Variants in RGS22 observed in about 807,000 individuals in gnomAD.
The protein encoded by RGS22 is regulator of G protein signaling 22, also known as regulator of G-protein signaling 22.
A neutral mutation model predicts 172.9 loss-of-function variants in RGS22; 148 were observed. The ratio of observed to expected loss-of-function variants is 0.86; its 90% CI spans 0.75 to 0.98. The LOEUF (loss-of-function observed/expected upper bound fraction) is 0.98. Among genes scored for constraint, RGS22 ranks in the 50% least tolerant of loss-of-function variants. The probability of loss-of-function intolerance (pLI) is 0.00; values close to 1 mark genes in which losing one functional copy is unlikely to be tolerated. For missense variants in RGS22, 1,347 were observed against 1,440.8 expected, an observed-to-expected ratio of 0.93 and a Z score of 1.05; for synonymous variants, 458 against 480.2, an observed-to-expected ratio of 0.95 and a Z score of 0.60.
chr8:100,046,264 A>C (rs577657251), intron 11 of RGS22: 3 of 152,250 alleles, frequency 2.0e-5, no homozygotes, highest in African/African-American at 7.2e-5. Context: ...CAGATTCTTT[A>C]ATATGACAGA....
At chr8:100,083,830 C>CTTTTTTTTTTTTTTTTTTT (rs59603032) in intron 3 of RGS22, among the ~76,000 whole-genome samples, 4 of 126,038 alleles carry the variant, frequency 3.2e-5, no homozygotes, top group South Asian at 2.5e-4. Flanking sequence ...AATTTCTTTT[C>CTTTTTTTTTTTTTTTTTTT]TTTTTTTTTT....
At chr8:99,988,960 A>C (rs950316686) in intron 20 of RGS22, among the ~76,000 whole-genome samples, 14 of 152,220 alleles carry the variant, frequency 9.2e-5, no homozygotes, top group Admixed American at 2.6e-4. Flanking sequence ...CTCAGCAAAT[A>C]ATATTTTAAG....
intron 14 of RGS22, among the ~76,000 whole-genome samples, chr8:100,035,174 T>A (rs1426183971): frequency 2.0e-5 from 3 of 152,072 alleles, no homozygotes; most frequent in Non-Finnish European, 4.4e-5. Context: ...ACAGGCAACC[T>A]ACAAAATGGG....
At chr8:100,010,323 C>T (rs547252835) in intron 14 of RGS22, among the ~76,000 whole-genome samples, 212 of 151,998 alleles carry the variant, frequency 1.4e-3, no homozygotes, top group African/African-American at 4.7e-3. Context: ...CCATCTCTAC[C>T]AAAAATACAC....
At chr8:100,076,520 T>G (rs1811360229) in intron 4 of RGS22, among the ~76,000 whole-genome samples, 2 of 152,216 alleles carry the variant, frequency 1.3e-5, no homozygotes, top group Admixed American at 1.3e-4. Context: ...TATAAGTTTT[T>G]ATAAATTCAA....
At chr8:100,067,694 G>A (rs934533156) in intron 6 of RGS22, among the ~76,000 whole-genome samples, 29 of 147,548 alleles carry the variant, frequency 2.0e-4, no homozygotes, top group Admixed American at 1.6e-3. Flanking sequence ...GTGCAGTCTC[G>A]GCTCACTGCA....
At chr8:100,064,160 G>A in intron 7 of RGS22, 117 bp from the exon 8 acceptor site, 1 of 725,616 alleles carries the variant, frequency 1.4e-6, no homozygotes, top group East Asian at 2.9e-5. Context: ...GTGACTGCAT[G>A]GACCGGTGTC....
chr8:100,059,343 C>A (rs1809907718), intron 9 of RGS22, among the ~76,000 whole-genome samples: 1 of 151,774 alleles, frequency 6.6e-6, no homozygotes, highest in African/African-American at 2.4e-5. Flanking sequence ...GACACAGTGG[C>A]TGAATGGATG....
chr8:99,964,529 T>G (rs1810529919), intron 24 of RGS22, among the ~76,000 whole-genome samples: 1 of 150,574 alleles, frequency 6.6e-6, no homozygotes, highest in African/African-American at 2.4e-5. Flanking sequence ...AACTGGACCC[T>G]GATATCTCTA....
chr8:100,024,244 GT>G (rs1310229111), intron 14 of RGS22, among the ~76,000 whole-genome samples: 1 of 152,206 alleles, frequency 6.6e-6, no homozygotes, highest in Non-Finnish European at 1.5e-5. Context: ...GATTACAGGT[GT>G]GAGCCACCAA....
At chr8:99,995,019 G>C (rs900812634) in intron 20 of RGS22, among the ~76,000 whole-genome samples, 1 of 152,156 alleles carries the variant, frequency 6.6e-6, no homozygotes, top group South Asian at 2.1e-4. Context: ...ATGGGGAAAC[G>C]ATTCCCTATT....
intron 14 of RGS22, among the ~76,000 whole-genome samples, chr8:100,036,797 C>A (rs1398741476): frequency 6.6e-6 from 1 of 151,562 alleles, no homozygotes; most frequent in Non-Finnish European, 1.5e-5. Flanking sequence ...TGCGGTCTCA[C>A]TTTGTTGTCC....
intron 10 of RGS22, among the ~76,000 whole-genome samples, chr8:100,047,963 G>C (rs574398773): frequency 1.5e-4 from 3 of 19,790 alleles, no homozygotes; most frequent in South Asian, 2.5e-3. Flanking sequence ...TGTGTGTACT[G>C]GGGGGGGGTG....
At chr8:99,994,684 C>T (rs1372542142) in intron 20 of RGS22, among the ~76,000 whole-genome samples, 1 of 152,174 alleles carries the variant, frequency 6.6e-6, no homozygotes. Context: ...AATGGCCATA[C>T]TGCCCAAAGT....
At chr8:99,999,030 A>G (rs961190407) in intron 19 of RGS22, among the ~76,000 whole-genome samples, 6 of 151,848 alleles carry the variant, frequency 4.0e-5, no homozygotes, top group Admixed American at 3.9e-4. Context: ...ATGGTAGTGC[A>G]TGCCTGTAGT....
intron 10 of RGS22, among the ~76,000 whole-genome samples, chr8:100,051,714 T>C (rs1323873550): frequency 1.4e-5 from 1 of 69,548 alleles, no homozygotes; most frequent in Non-Finnish European, 2.4e-5. Flanking sequence ...TATATATAAA[T>C]ATATATTTAT....
intron 14 of RGS22, among the ~76,000 whole-genome samples, chr8:100,010,400 C>T (rs537405159): frequency 2.2e-4 from 34 of 152,174 alleles, no homozygotes; most frequent in Admixed American, 1.6e-3. Flanking sequence ...GCATGAAAAT[C>T]GCTTGAACCC....
chr8:100,004,036 T>G lies in RGS22; in HGVS notation c.2517A>C (p.Glu839Asp). 6.2e-7 allele frequency: 1 copy of G among 1,612,384 alleles called. No individual in the cohort carries two copies. Among genetic ancestry groups the G allele is most frequent in the Non-Finnish European group, 8.5e-7 (1 of 1,179,018 alleles). ...LSLSNVSKRT[E>D]YWDNVPAEYK... ...ATTCTGCAGGAACATTATCCCAATA[T>G]TCTGTTCGTTTAGAGACGTTAGAGA... is the stretch of plus-strand genomic sequence containing the variant. The change falls in exon 17 of 28, where the codon GAA becomes GAC. Residue 839 changes from glutamate (E) to aspartate (D), a missense_variant. Glu to Asp is a conservative substitution (Grantham distance 45). Transcript: ENST00000360863.
chr8:100,092,246 A>T (rs1172070387), intron 3 of RGS22, among the ~76,000 whole-genome samples: 1 of 152,122 alleles, frequency 6.6e-6, no homozygotes, highest in Non-Finnish European at 1.5e-5. Context: ...ATAACACAAT[A>T]GCAAAAACCT....
Sources: gnomAD v4.1 joint callset for allele counts (sites outside exome capture counted in the v4.1 genomes callset) on GRCh38, gnomAD v4.1.1 for gene constraint, MANE v1.5 for transcripts, NCBI Gene and HGNC (gene_info 2026-07-23, HGNC 2026-07-21) for gene names.